The following LHFPL3 variants were observed in gnomAD, a reference collection of about 807,000 sequenced individuals.
LHFPL3 encodes LHFPL tetraspan subfamily member 3 protein.
LHFPL3 carries 5 observed loss-of-function variants against 19.3 expected under a neutral mutation model. The observed-to-expected ratio is 0.26, with a 90% CI of 0.14 to 0.54. The LOEUF (loss-of-function observed/expected upper bound fraction) is 0.54. Among genes scored for constraint, LHFPL3 ranks in the 20% least tolerant of loss-of-function variants. LHFPL3 has a pLI of 0.94. For synonymous variants in LHFPL3, 133 were observed against 126.2 expected, an observed-to-expected ratio of 1.05 and a Z score of -0.36; for missense variants, 249 against 307.4, an observed-to-expected ratio of 0.81 and a Z score of 1.42.
At chr7:104,578,000 A>T (rs1187124316) in intron 1 of LHFPL3, among the ~76,000 whole-genome samples, 2 of 152,228 alleles carry the variant, frequency 1.3e-5, no homozygotes, top group Non-Finnish European at 2.9e-5. Context: ...CTGTCGGTTT[A>T]TCATCTTGTG....
intron 1 of LHFPL3, among the ~76,000 whole-genome samples, chr7:104,460,610 G>GT (rs1466700069): frequency 6.6e-6 from 1 of 151,826 alleles, no homozygotes; most frequent in Non-Finnish European, 1.5e-5. Flanking sequence ...TGATATTGAG[G>GT]TTTTTTTAAT....
intron 2 of LHFPL3, among the ~76,000 whole-genome samples, chr7:104,883,293 T>G (rs187436703): frequency 6.6e-6 from 1 of 152,206 alleles, no homozygotes; most frequent in Admixed American, 6.5e-5. Flanking sequence ...TATCAAAGAG[T>G]TCATATTGGA....
At chr7:104,689,266 T>G (rs1792863793) in intron 1 of LHFPL3, among the ~76,000 whole-genome samples, 1 of 152,104 alleles carries the variant, frequency 6.6e-6, no homozygotes, top group Non-Finnish European at 1.5e-5. Context: ...CACTCAACTG[T>G]CAAAGGCAAG....
intron 2 of LHFPL3, among the ~76,000 whole-genome samples, chr7:104,903,915 T>C (rs73419723): frequency 0.022 from 3,303 of 152,314 alleles, 116 homozygotes; most frequent in African/African-American, 0.076. Context: ...GTCTTTTTGG[T>C]AGAAGGATTT....
chr7:104,724,687 T>C (rs1793558954), intron 1 of LHFPL3, among the ~76,000 whole-genome samples: 1 of 152,140 alleles, frequency 6.6e-6, no homozygotes, highest in Non-Finnish European at 1.5e-5. Flanking sequence ...TATGAAATAA[T>C]CTGTACAACA....
At chr7:104,465,764 A>G (rs1584339053) in intron 1 of LHFPL3, among the ~76,000 whole-genome samples, 1 of 152,304 alleles carries the variant, frequency 6.6e-6, no homozygotes, top group South Asian at 2.1e-4. Context: ...TAGGAACTAC[A>G]ATTCAAGATG....
intron 1 of LHFPL3, among the ~76,000 whole-genome samples, chr7:104,527,058 G>A (rs1794202564): frequency 6.6e-6 from 1 of 152,220 alleles, no homozygotes; most frequent in Non-Finnish European, 1.5e-5. Context: ...AGCCTGGAAT[G>A]AAGTGAGAGC....
intron 2 of LHFPL3, among the ~76,000 whole-genome samples, chr7:104,841,515 T>C (rs1358338843): frequency 6.6e-6 from 1 of 151,760 alleles, no homozygotes; most frequent in African/African-American, 2.4e-5. Context: ...TGTGTGTGTG[T>C]GTGTGTGTGT....
chr7:104,470,128 A>T, intron 1 of LHFPL3: 1 of 454,216 alleles, frequency 2.2e-6, no homozygotes, highest in Non-Finnish European at 4.4e-6. Flanking sequence ...GAGGAGAAGA[A>T]GAACATGGGT....
intron 1 of LHFPL3, among the ~76,000 whole-genome samples, chr7:104,504,788 A>G (rs1188933374): frequency 1.3e-5 from 2 of 152,202 alleles, no homozygotes; most frequent in Non-Finnish European, 1.5e-5. Context: ...AAGATAACTT[A>G]CTCAGGTTAC....
intron 1 of LHFPL3, among the ~76,000 whole-genome samples, chr7:104,352,077 A>T (rs1419736052): frequency 6.6e-6 from 1 of 151,800 alleles, no homozygotes; most frequent in East Asian, 1.9e-4. Context: ...GGGCAGGAGG[A>T]TCCTTTGAGC....
chr7:104,495,671 A>C (rs533158891), intron 1 of LHFPL3, among the ~76,000 whole-genome samples: 199 of 152,100 alleles, frequency 1.3e-3, no homozygotes, highest in Non-Finnish European at 1.9e-3. Context: ...GCTTGAGCTA[A>C]CGCGCCTGGC....
chr7:104,534,606 G>A (rs574817897), intron 1 of LHFPL3, among the ~76,000 whole-genome samples: 48 of 152,294 alleles, frequency 3.2e-4, no homozygotes, highest in African/African-American at 1.1e-3. Context: ...GAATTCCTAT[G>A]TAACTGTTCT....
rs146906595 is a variant in LHFPL3 at position 104,424,615 on chromosome 7, G to A, written c.445+95391G>A. 3.9e-5 allele frequency among the ~76,000 whole-genome samples: 6 copies of A among 152,302 alleles called. No homozygotes were observed. The East Asian group carries it at 1.2e-3, about 29-fold the overall frequency. On this transcript the variant is annotated intron_variant, in intron 1 of 2. Coordinates refer to ENST00000424859, the MANE Select transcript of LHFPL3 (RefSeq NM_199000.3). Reference sequence around the variant, plus strand: ...ACATTTTTGGTTGTCACAACTGGTTGGGGGAAAGGCTACTCCAGTGGGTAG... The same window carrying A: ...ACATTTTTGGTTGTCACAACTGGTTAGGGGAAAGGCTACTCCAGTGGGTAG...
chr7:104,583,110 G>C (rs1790493053), intron 1 of LHFPL3, among the ~76,000 whole-genome samples: 1 of 151,998 alleles, frequency 6.6e-6, no homozygotes, highest in South Asian at 2.1e-4. Context: ...TACCAAAACA[G>C]AGATATAGAC....
chr7:104,639,975 T>G (rs1791800426), intron 1 of LHFPL3, among the ~76,000 whole-genome samples: 1 of 152,182 alleles, frequency 6.6e-6, no homozygotes, highest in Admixed American at 6.5e-5. Context: ...AAAATGGGGC[T>G]CATTCAGCAT....
At chr7:104,424,983 T>TAAAAAAAAAAAAAAAAAAAAAAA (rs71153196) in intron 1 of LHFPL3, among the ~76,000 whole-genome samples, 3 of 65,162 alleles carry the variant, frequency 4.6e-5, no homozygotes, top group African/African-American at 2.0e-4. Context: ...CTCCATCTCA[T>TAAAAAAAAAAAAAAAAAAAAAAA]AAAAAAAAAA....
At chr7:104,600,897 G>A (rs181359383) in intron 1 of LHFPL3, among the ~76,000 whole-genome samples, 299 of 152,282 alleles carry the variant, frequency 2.0e-3, no homozygotes, top group African/African-American at 6.0e-3. Flanking sequence ...TTTGGACCAG[G>A]CACTGTGCTG....
chr7:104,771,375 G>A (rs566301330), intron 2 of LHFPL3, among the ~76,000 whole-genome samples: 1 of 152,262 alleles, frequency 6.6e-6, no homozygotes, highest in African/African-American at 2.4e-5. Flanking sequence ...AAGGGAACAA[G>A]GGGACAGAGG....
Sources: gnomAD v4.1 joint callset for allele counts (sites outside exome capture counted in the v4.1 genomes callset) on GRCh38, gnomAD v4.1.1 for gene constraint, MANE v1.5 for transcripts, NCBI Gene and HGNC (gene_info 2026-07-23, HGNC 2026-07-21) for gene names.